The following ZNF469 variants were observed in gnomAD, a reference collection of about 807,000 sequenced individuals.
ZNF469 encodes zinc finger protein 469.
ZNF469 carries 1 observed loss-of-function variant against 1.0 expected under a neutral mutation model. That is an observed-to-expected ratio of 1.00 (90% CI 0.35 to 4.73). The LOEUF is 4.73. ZNF469 is among the 30% of genes most tolerant of loss of function. The probability of loss-of-function intolerance (pLI) is 0.16; values close to 1 mark genes in which losing one functional copy is unlikely to be tolerated. For synonymous variants in ZNF469, 2,703 were observed against 2,363.4 expected (o/e 1.14, Z -4.17); for missense variants, 6,100 against 5,356.3 (o/e 1.14, Z -4.33).
At chr16:88,364,658 T>C in the ZNF469 span, among the ~76,000 whole-genome samples, 1 of 152,182 alleles carries the variant, frequency 6.6e-6, no homozygotes, top group Non-Finnish European at 1.5e-5. Context: ...TGTCGTGCCA[T>C]TTTCTACATA....
At chr16:88,303,997 G>T in the ZNF469 span, among the ~76,000 whole-genome samples, 1 of 152,220 alleles carries the variant, frequency 6.6e-6, no homozygotes, top group Non-Finnish European at 1.5e-5. Context: ...GCAAGGAGCT[G>T]CTGAGAAGTG....
the ZNF469 span, among the ~76,000 whole-genome samples, chr16:88,146,741 T>C: frequency 6.6e-6 from 1 of 151,964 alleles, no homozygotes; most frequent in African/African-American, 2.4e-5. Context: ...ATGAGATCCA[T>C]TTGCACCTGA....
chr16:88,351,203 C>T, the ZNF469 span, among the ~76,000 whole-genome samples: 1 of 152,200 alleles, frequency 6.6e-6, no homozygotes, highest in South Asian at 2.1e-4. Context: ...CCCTCGGTGG[C>T]GTAGCCAAAG....
chr16:88,401,713 A>AGATGGATGGGTGGATGGGTG (rs1904873054), intron 1 of ZNF469, among the ~76,000 whole-genome samples: 1 of 70,902 alleles, frequency 1.4e-5, no homozygotes, highest in Non-Finnish European at 2.9e-5. Context: ...ATATATGGGT[A>AGATGGATGGGTGGATGGGTG]GATGGATGGG....
chr16:88,367,973 A>G, the ZNF469 span, among the ~76,000 whole-genome samples: 1 of 152,216 alleles, frequency 6.6e-6, no homozygotes, highest in Non-Finnish European at 1.5e-5. Flanking sequence ...TAATGCCCGC[A>G]GACGAAAGCA....
upstream of ZNF469, among the ~76,000 whole-genome samples, chr16:88,380,817 G>A (rs1349791834): frequency 2.8e-5 from 2 of 72,320 alleles, no homozygotes; most frequent in African/African-American, 1.1e-4. Context: ...CACACACCCA[G>A]ACACACACAC....
intron 1 of ZNF469, among the ~76,000 whole-genome samples, chr16:88,388,027 G>A (rs11647518): frequency 0.29 from 44,420 of 152,252 alleles, 7,070 homozygotes; most frequent in Non-Finnish European, 0.35. Flanking sequence ...CTCGGTTTGC[G>A]TTACCAAGTG....
chr16:88,161,329 G>A, the ZNF469 span, among the ~76,000 whole-genome samples: 3 of 152,022 alleles, frequency 2.0e-5, no homozygotes, highest in African/African-American at 4.8e-5. Flanking sequence ...CCTAAACGGC[G>A]ACGATCTATG....
At chr16:88,159,254 C>G in the ZNF469 span, among the ~76,000 whole-genome samples, 1 of 151,742 alleles carries the variant, frequency 6.6e-6, no homozygotes, top group Non-Finnish European at 1.5e-5. Context: ...TGAGCTCTTT[C>G]CCCTACACCC....
the ZNF469 span, among the ~76,000 whole-genome samples, chr16:88,224,057 T>C: frequency 3.9e-5 from 6 of 152,240 alleles, no homozygotes; most frequent in Non-Finnish European, 5.9e-5. Flanking sequence ...GACTTTTCTA[T>C]GTTTGAAAAT....
In ZNF469 at chr16:88,385,044, C is replaced by G. The variant is rs114510448; in HGVS notation, c.-192+1790C>G. ...TTTGGATAATTTTAATAGGGATGGT[C>G]TCCCCCTGTATGCCTAATCTCTTCA... On this transcript the variant is annotated intron_variant, in intron 1 of 2. Coordinates refer to ENST00000565624, the MANE Select transcript of ZNF469 (RefSeq NM_001367624.2). Among the ~76,000 whole-genome samples the G allele has an allele frequency of 8.0e-3, 1,211 of 152,284 alleles. 19 individuals are homozygous for G. Among genetic ancestry groups the G allele is most frequent in the African/African-American group, 0.027 (1,129 of 41,540 alleles).
chr16:88,239,085 G>A, the ZNF469 span, among the ~76,000 whole-genome samples: 1 of 152,080 alleles, frequency 6.6e-6, no homozygotes, highest in Non-Finnish European at 1.5e-5. Context: ...GGGATTGACT[G>A]GTAATGGCTG....
chr16:88,338,415 C>A, the ZNF469 span, among the ~76,000 whole-genome samples: 2 of 152,220 alleles, frequency 1.3e-5, no homozygotes, highest in African/African-American at 4.8e-5. Context: ...CATCACTGTG[C>A]CCTGGTCGAC....
At chr16:88,337,514 G>T in the ZNF469 span, among the ~76,000 whole-genome samples, 3 of 152,194 alleles carry the variant, frequency 2.0e-5, no homozygotes, top group Admixed American at 6.5e-5. Context: ...CCAAGTGTTT[G>T]CACGGACGTG....
chr16:88,101,177 A>G, the ZNF469 span, among the ~76,000 whole-genome samples: 2 of 152,226 alleles, frequency 1.3e-5, no homozygotes, highest in South Asian at 2.1e-4. Context: ...CGGATTGACG[A>G]TGGTGACGAT....
chr16:88,153,239 A>G, the ZNF469 span, among the ~76,000 whole-genome samples: 6 of 152,288 alleles, frequency 3.9e-5, no homozygotes, highest in East Asian at 1.2e-3. Context: ...CGGAGCCTCC[A>G]ATCAGGGTGT....
chr16:88,277,673 A>T, the ZNF469 span, among the ~76,000 whole-genome samples: 5,178 of 31,242 alleles, frequency 0.17, 247 homozygotes, highest in African/African-American at 0.23. Flanking sequence ...AGTCAGTACC[A>T]TGTAGATATC....
chr16:88,430,526 C>T lies in ZNF469; in HGVS notation c.3056C>T (p.Pro1019Leu), dbSNP rs1212528979. Residue 1019 changes from proline (P) to leucine (L), a missense_variant, in exon 3 of 3, where the codon CCC becomes CTC. By Grantham distance (98) the Pro-to-Leu change is moderately conservative. Coordinates refer to ENST00000565624, the MANE Select transcript of ZNF469 (RefSeq NM_001367624.2). ...APRVPRAAAL[P>L]EETRSSRRRR... is the part of the protein sequence containing the mutation. ...CGGGTCCCGAGAGCCGCCGCCCTCC[C>T]CGAGGAGACCCGCAGCTCCCGGCGC... The T allele has an allele frequency of 9.6e-6, 14 of 1,455,732 alleles. No homozygotes were observed. The highest frequency in any genetic ancestry group is 1.4e-5 in the South Asian group (1 of 73,302). The allele number at this position is 1,455,732 out of a possible 1,614,324, so 90.2% of individuals were successfully genotyped here.
At chr16:88,286,284 C>G in the ZNF469 span, among the ~76,000 whole-genome samples, 1 of 152,370 alleles carries the variant, frequency 6.6e-6, no homozygotes, top group African/African-American at 2.4e-5. Context: ...CGGCAGCTAA[C>G]TGTGCAACAA....
Sources: gnomAD v4.1 joint callset for allele counts (sites outside exome capture counted in the v4.1 genomes callset) on GRCh38, gnomAD v4.1.1 for gene constraint, MANE v1.5 for transcripts, NCBI Gene and HGNC (gene_info 2026-07-23, HGNC 2026-07-21) for gene names.